Variants in UPP2 observed in about 807,000 individuals in gnomAD.
UPP2 encodes the protein UPase 2.
A neutral mutation model predicts 26.7 loss-of-function variants in UPP2; 23 were observed. The observed-to-expected ratio is 0.86, with a 90% confidence interval of 0.62 to 1.22. The LOEUF (loss-of-function observed/expected upper bound fraction) is 1.22. Ranked by LOEUF, UPP2 falls within the 50% of genes most tolerant of loss-of-function variation. The pLI, the probability that UPP2 is intolerant of heterozygous loss-of-function variation, is 0.00. For synonymous variants in UPP2, 127 were observed against 141.3 expected (o/e 0.90, Z 0.72); for missense variants, 387 against 396.7 (o/e 0.98, Z 0.21).
intron 3 of UPP2, among the ~76,000 whole-genome samples, chr2:158,059,695 A>AG (rs1398840587): frequency 6.6e-6 from 1 of 152,188 alleles, no homozygotes; most frequent in Admixed American, 6.5e-5. Context: ...TGGCACACAG[A>AG]GCTCTGGAGT....
intron 3 of UPP2, among the ~76,000 whole-genome samples, chr2:158,075,394 A>AT (rs1336505061): frequency 2.0e-5 from 3 of 151,968 alleles, no homozygotes; most frequent in Non-Finnish European, 4.4e-5. Flanking sequence ...CAGAATACAC[A>AT]TTTTTCTCCT....
chr2:158,003,506 G>A (rs575770518), intron 2 of UPP2, among the ~76,000 whole-genome samples: 2 of 152,136 alleles, frequency 1.3e-5, no homozygotes, highest in Non-Finnish European at 1.5e-5. Context: ...TCAGGAGTTC[G>A]AGACCAGCCT....
At chr2:158,043,926 T>G (rs1574260442) in intron 3 of UPP2, among the ~76,000 whole-genome samples, 1 of 152,328 alleles carries the variant, frequency 6.6e-6, no homozygotes, top group Middle Eastern at 3.4e-3. Flanking sequence ...GAGGCTCCAT[T>G]TCCTCATTTC....
chr2:158,115,296 AGGCT>A, intron 3 of UPP2, 37 bp downstream of exon 3: 1 of 1,534,142 alleles, frequency 6.5e-7, no homozygotes, highest in Admixed American at 2.1e-5. Context: ...TAGTCATTGC[AGGCT>A]AGAGAAAAAA....
chr2:158,126,928 A>C (rs1362010675), intron 6 of UPP2, among the ~76,000 whole-genome samples: 1 of 152,180 alleles, frequency 6.6e-6, no homozygotes, highest in East Asian at 1.9e-4. Flanking sequence ...TTCCTTTAGT[A>C]CACCAGATGA....
At chr2:158,030,865 G>T (rs778927262) in intron 3 of UPP2, among the ~76,000 whole-genome samples, 10 of 152,134 alleles carry the variant, frequency 6.6e-5, no homozygotes, top group Non-Finnish European at 1.3e-4. Flanking sequence ...CTGCTGGTTG[G>T]ATCTAAAAAG....
At chr2:158,133,615 G>A (rs778388124) in intron 6 of UPP2, 6 of 152,076 alleles carry the variant, frequency 3.9e-5, no homozygotes, top group Non-Finnish European at 5.9e-5. Flanking sequence ...ACATCACATT[G>A]TACCTCATAA....
chr2:158,081,142 T>C (rs1231481569), intron 3 of UPP2, among the ~76,000 whole-genome samples: 3 of 152,146 alleles, frequency 2.0e-5, no homozygotes, highest in African/African-American at 7.2e-5. Flanking sequence ...TCACAGAATA[T>C]AGAGGAATTG....
chr2:158,109,552 T>G (rs1179211876), intron 2 of UPP2, among the ~76,000 whole-genome samples: 2 of 152,180 alleles, frequency 1.3e-5, no homozygotes, highest in African/African-American at 4.8e-5. Context: ...AGCGACAATA[T>G]GTAGGGTCAC....
chr2:158,051,337 C>G (rs544861284), intron 3 of UPP2, among the ~76,000 whole-genome samples: 72 of 152,180 alleles, frequency 4.7e-4, no homozygotes, highest in African/African-American at 1.7e-3. Flanking sequence ...TTAAATCTTT[C>G]AGTGAGATCC....
chr2:158,127,675 C>T (rs1188574778), intron 6 of UPP2, among the ~76,000 whole-genome samples: 6 of 152,324 alleles, frequency 3.9e-5, no homozygotes, highest in East Asian at 1.9e-4. Flanking sequence ...GATCTACAAC[C>T]TCTGGGTCTG....
chr2:158,098,529 T>C (rs7593795), upstream of UPP2, among the ~76,000 whole-genome samples: 3,960 of 152,234 alleles, frequency 0.026, 175 homozygotes, highest in African/African-American at 0.087. Flanking sequence ...ACAGGTCCCT[T>C]ATGAGAAAAC....
At chr2:157,996,693 C>A (rs183805283) in intron 2 of UPP2, among the ~76,000 whole-genome samples, 64 of 152,210 alleles carry the variant, frequency 4.2e-4, no homozygotes, top group African/African-American at 1.4e-3. Context: ...TCATAGAAGC[C>A]CACATACTTA....
intron 3 of UPP2, among the ~76,000 whole-genome samples, chr2:158,084,084 C>T (rs1005330311): frequency 1.3e-5 from 2 of 152,112 alleles, no homozygotes; most frequent in Non-Finnish European, 2.9e-5. Context: ...GGAATCTCCA[C>T]ACTGTTTTCC....
chr2:158,120,433 C>T (rs943217859), intron 4 of UPP2, among the ~76,000 whole-genome samples: 1 of 152,026 alleles, frequency 6.6e-6, no homozygotes, highest in Non-Finnish European at 1.5e-5. Flanking sequence ...AACATTCACT[C>T]ATTTGACAAA....
Position 158,078,211 on chromosome 2 carries a change from G to A in UPP2, c.148-23829G>A, listed in dbSNP as rs556565542. ...AATGTAAAGTAGTACGACCACTATG[G>A]AGAAGTTTGGTGTTTCCTCAGAAAA... On this transcript the variant is annotated intron_variant, in intron 3 of 9. Transcript: ENST00000605860. Among the ~76,000 whole-genome samples the A allele has an allele frequency of 2.2e-4, 33 of 152,110 alleles. 1 individual carries two copies. The highest frequency in any genetic ancestry group is 4.7e-4 in the Non-Finnish European group (32 of 67,986).
chr2:158,013,159 T>A (rs570524705), intron 2 of UPP2, among the ~76,000 whole-genome samples: 16 of 152,252 alleles, frequency 1.1e-4, no homozygotes, highest in East Asian at 5.8e-4. Flanking sequence ...CTAATTTTTT[T>A]AAAAAGTTTT....
At chr2:158,049,039 G>T (rs1440461125) in intron 3 of UPP2, among the ~76,000 whole-genome samples, 2 of 152,176 alleles carry the variant, frequency 1.3e-5, no homozygotes, top group Non-Finnish European at 2.9e-5. Flanking sequence ...ACAATTTAGA[G>T]TTCCCCAGGG....
chr2:158,016,012 T>G, intron 3 of UPP2: 1 of 265,594 alleles, frequency 3.8e-6, no homozygotes, highest in South Asian at 3.3e-5. Flanking sequence ...TAATTCTATT[T>G]TTAATTTTTT....
Sources: allele counts gnomAD v4.1 joint callset (sites outside exome capture counted in the v4.1 genomes callset), GRCh38; gene constraint gnomAD v4.1.1; transcripts MANE v1.5; gene names NCBI Gene and HGNC (gene_info 2026-07-23, HGNC 2026-07-21).